The following GNG2 variants were observed in gnomAD, a reference collection of about 807,000 sequenced individuals.
GNG2 encodes guanine nucleotide-binding protein G(I)/G(S)/G(O) subunit gamma-2.
Under a neutral mutation model 5.5 loss-of-function variants are expected in GNG2, and 5 were observed. That is an observed-to-expected ratio of 0.91 (90% confidence interval 0.48 to 1.92). GNG2 has a LOEUF of 1.92. GNG2 is among the 30% of genes most tolerant of loss of function. The pLI is 0.01. For synonymous variants in GNG2, 28 were observed against 32.0 expected (o/e 0.88, Z 0.42); for missense variants, 55 against 88.4 (o/e 0.62, Z 1.52).
intron 2 of GNG2, among the ~76,000 whole-genome samples, chr14:51,908,079 C>A (rs939255752): frequency 6.6e-6 from 1 of 152,176 alleles, no homozygotes; most frequent in African/African-American, 2.4e-5. Context: ...GGCTCAGGCG[C>A]CCTCACAAAG....
chr14:51,869,441 G>A (rs545096517), intron 1 of GNG2, among the ~76,000 whole-genome samples: 21 of 152,262 alleles, frequency 1.4e-4, no homozygotes, highest in South Asian at 4.1e-4. Context: ...TGGACATGGC[G>A]TCTACAATTT....
At chr14:51,897,696 G>C (rs1191157339) in intron 2 of GNG2, among the ~76,000 whole-genome samples, 1 of 152,044 alleles carries the variant, frequency 6.6e-6, no homozygotes, top group Non-Finnish European at 1.5e-5. Context: ...TTCTCACCTG[G>C]TTCTGGGAGG....
intron 3 of GNG2, among the ~76,000 whole-genome samples, chr14:51,959,073 T>C (rs1889443616): frequency 6.6e-6 from 1 of 152,214 alleles, no homozygotes; most frequent in Non-Finnish European, 1.5e-5. Context: ...ATGCCTACTT[T>C]CACAGGCTAC....
chr14:51,850,826 A>C (rs1426738421), intron 2 of GNG2, among the ~76,000 whole-genome samples: 1 of 152,108 alleles, frequency 6.6e-6, no homozygotes, highest in African/African-American at 2.4e-5. Context: ...CCCACTTTTA[A>C]GTGATCAGAT....
intron 1 of GNG2, 46 bp downstream of exon 1, chr14:51,860,836 C>T (rs1400706234): frequency 6.6e-6 from 1 of 152,160 alleles, no homozygotes; most frequent in Non-Finnish European, 1.5e-5. Context: ...TTGAGAAAAA[C>T]GACCGTCGCT....
chr14:51,927,976 C>T (rs905060253), intron 2 of GNG2, among the ~76,000 whole-genome samples: 2 of 151,240 alleles, frequency 1.3e-5, no homozygotes, highest in Non-Finnish European at 2.9e-5. Flanking sequence ...CTAGAAATAC[C>T]AAGTCTCCTC....
chr14:51,934,141 C>T (rs1017650928), intron 2 of GNG2, among the ~76,000 whole-genome samples: 2 of 152,088 alleles, frequency 1.3e-5, no homozygotes, highest in African/African-American at 4.8e-5. Flanking sequence ...CCATGATAGG[C>T]CACGGACTCC....
chr14:51,891,033 A>G (rs1455620433), intron 2 of GNG2, among the ~76,000 whole-genome samples: 2 of 152,174 alleles, frequency 1.3e-5, no homozygotes, highest in African/African-American at 2.4e-5. Context: ...AAGTGGGTCA[A>G]TTTTGGGGAA....
At chr14:51,858,224 C>G (rs971310858), upstream of GNG2, among the ~76,000 whole-genome samples, 1 of 152,146 alleles carries the variant, frequency 6.6e-6, no homozygotes, top group Non-Finnish European at 1.5e-5. Flanking sequence ...CCTGGCCAAG[C>G]TATACCCCCA....
chr14:51,951,625 A>G (rs998061173), intron 3 of GNG2, among the ~76,000 whole-genome samples: 1 of 152,316 alleles, frequency 6.6e-6, no homozygotes, highest in South Asian at 2.1e-4. Context: ...TTTTAAAACT[A>G]GAATATTTTT....
intron 3 of GNG2, among the ~76,000 whole-genome samples, chr14:51,965,492 G>A (rs1889842140): frequency 6.6e-6 from 1 of 152,100 alleles, no homozygotes; most frequent in South Asian, 2.1e-4. Context: ...TGGTGAAGAT[G>A]GTTGAAGGAA....
In GNG2 at chr14:51,960,582, C is replaced by T. The variant is rs146651987; in HGVS notation, c.88-5977C>T. Among the ~76,000 whole-genome samples, 33 of 123,818 alleles carry T rather than the reference C, an allele frequency of 2.7e-4. No homozygotes were observed. In the East Asian group the frequency reaches 8.7e-3, roughly 32 times the overall value. 81.2% of individuals were successfully genotyped at this position (123,818 alleles called of 152,430 possible). A position where few individuals can be genotyped will look rare whatever the true frequency, so the allele number is the denominator to read the frequency against. On this transcript the variant is annotated intron_variant, in intron 3 of 3. Transcript: ENST00000556766. ...TATTCTACCTTCTTGATCATGTGGACGATATTAACAATTGTTAAAATAACA... is the reference window on the plus strand; with the variant it reads ...TATTCTACCTTCTTGATCATGTGGATGATATTAACAATTGTTAAAATAACA...
chr14:51,967,473 T>C lies in GNG2; in HGVS notation c.*786T>C, dbSNP rs1461472577. Reference sequence around the variant, plus strand: ...GTAATATTGCATGAAAATGTCCCTATGTTACATCCATTCAGAAGTTTTGTT... The same window carrying C: ...GTAATATTGCATGAAAATGTCCCTACGTTACATCCATTCAGAAGTTTTGTT... On this transcript the variant is annotated 3_prime_UTR_variant, in exon 4 of 4. Transcript: ENST00000556766. 2 of 152,136 alleles carry C rather than the reference T, an allele frequency of 1.3e-5. No individual in the cohort carries two copies. Among genetic ancestry groups the C allele is most frequent in the Non-Finnish European group, 2.9e-5 (2 of 68,034 alleles). 9.4% of individuals were successfully genotyped at this position (152,136 alleles called of 1,614,324 possible).
At chr14:51,873,080 C>G (rs1883417610) in intron 1 of GNG2, among the ~76,000 whole-genome samples, 1 of 152,104 alleles carries the variant, frequency 6.6e-6, no homozygotes, top group Admixed American at 6.5e-5. Flanking sequence ...TCATTATAAA[C>G]CTGAAGTTTA....
At chr14:51,934,565 G>T (rs1409986983) in intron 2 of GNG2, among the ~76,000 whole-genome samples, 1 of 152,120 alleles carries the variant, frequency 6.6e-6, no homozygotes, top group African/African-American at 2.4e-5. Context: ...GGGAAACTGA[G>T]GCCCGGGGGG....
chr14:51,916,004 AAG>A (rs1235449120), intron 2 of GNG2: 1 of 152,682 alleles, frequency 6.5e-6, no homozygotes, highest in Non-Finnish European at 1.5e-5. Flanking sequence ...AAAACTATAA[AAG>A]AATAAAAAAG....
chr14:51,943,426 CACTAGCAAAGA>C (rs1566704148), intron 2 of GNG2, among the ~76,000 whole-genome samples: 1 of 152,194 alleles, frequency 6.6e-6, no homozygotes, highest in Non-Finnish European at 1.5e-5. Context: ...GAAAAAGGGA[CACTAGCAAAGA>C]ATATATGATG....
chr14:51,954,836 G>C (rs1889188663), intron 3 of GNG2, among the ~76,000 whole-genome samples: 1 of 152,186 alleles, frequency 6.6e-6, no homozygotes, highest in Non-Finnish European at 1.5e-5. Context: ...GAGATGGCTT[G>C]ATTCAATCCT....
chr14:51,844,528 TGG>T (rs1432441685), intron 2 of GNG2, among the ~76,000 whole-genome samples: 1 of 152,110 alleles, frequency 6.6e-6, no homozygotes, highest in African/African-American at 2.4e-5. Flanking sequence ...TGTGTGTGTG[TGG>T]GTGGAGAGGA....
Sources: gnomAD v4.1 joint callset for allele counts (sites outside exome capture counted in the v4.1 genomes callset) on GRCh38, gnomAD v4.1.1 for gene constraint, MANE v1.5 for transcripts, NCBI Gene and HGNC (gene_info 2026-07-23, HGNC 2026-07-21) for gene names.